IL1RAPL2: variants seen among roughly 807,000 people sequenced by gnomAD.
IL1RAPL2 encodes X-linked interleukin-1 receptor accessory protein-like 2.
In IL1RAPL2, 3 loss-of-function variants were observed where a neutral mutation model predicts 44.1. The ratio of observed to expected loss-of-function variants is 0.07; its 90% CI spans 0.03 to 0.18. The LOEUF (loss-of-function observed/expected upper bound fraction) is 0.18. Among genes scored for constraint, IL1RAPL2 ranks in the 10% least tolerant of loss-of-function variants. IL1RAPL2 has a pLI of 1.00. For missense variants in IL1RAPL2, 391 were observed against 496.4 expected (o/e 0.79, Z 2.02); for synonymous variants, 181 against 178.8 (o/e 1.01, Z -0.10).
chrX:105,701,213 A>C (rs1272096854), intron 6 of IL1RAPL2, among the ~76,000 whole-genome samples: 1 of 111,748 alleles, frequency 8.9e-6, no homozygotes, highest in East Asian at 2.9e-4. Context: ...CAGGCCAATT[A>C]GGTTTGCAGA....
At chrX:104,582,870 T>TTCTTTCTTTCTTTC (rs1556437624) in intron 1 of IL1RAPL2, among the ~76,000 whole-genome samples, 1 of 64,166 alleles carries the variant, frequency 1.6e-5, no homozygotes. Context: ...CTTTCTTTCT[T>TTCTTTCTTTCTTTC]TTTCTTTTCT....
At chrX:104,780,743 G>C (rs1292832930) in intron 2 of IL1RAPL2, among the ~76,000 whole-genome samples, 2 of 111,815 alleles carry the variant, frequency 1.8e-5, no homozygotes, top group African/African-American at 6.5e-5. Context: ...CTTGACCTTT[G>C]GAGAAGCAGA....
At chrX:104,930,993 A>G (rs1924884908) in intron 2 of IL1RAPL2, among the ~76,000 whole-genome samples, 1 of 111,351 alleles carries the variant, frequency 9.0e-6, no homozygotes, top group African/African-American at 3.3e-5. Flanking sequence ...ACCGACAAAC[A>G]GAAAAGTTGA....
At position 105,609,322 on chromosome X, in the gene IL1RAPL2, T is replaced by C. The variant is rs1311686075; in HGVS notation, c.773-108045T>C. ...TTCTGGAAATGGATAGTGATGATAG[T>C]CATACAACATTGTGAATGTACTTAA... On this transcript the variant is annotated intron_variant, in intron 6 of 10. Coordinates refer to ENST00000372582, the MANE Select transcript of IL1RAPL2 (RefSeq NM_017416.2). 4.3e-4 allele frequency among the ~76,000 whole-genome samples: 34 copies of C among 79,177 alleles called. No individual in the cohort carries two copies. In the Admixed American group the frequency reaches 5.4e-3, roughly 13 times the overall value. The allele number at this position is 79,177 out of a possible 115,157, so 68.8% of individuals were successfully genotyped here.
chrX:105,156,933 A>G (rs1309915598), intron 2 of IL1RAPL2, among the ~76,000 whole-genome samples: 1 of 110,334 alleles, frequency 9.1e-6, no homozygotes, highest in African/African-American at 3.3e-5. Flanking sequence ...TCTCTCTCCT[A>G]TGACTATATT....
intron 2 of IL1RAPL2, among the ~76,000 whole-genome samples, chrX:104,975,135 C>A (rs1340593707): frequency 1.8e-5 from 2 of 111,164 alleles, no homozygotes; most frequent in Non-Finnish European, 3.8e-5. Context: ...CAGGAATTTG[C>A]GGTTTCTTTG....
chrX:104,787,667 A>C (rs1381341745), intron 2 of IL1RAPL2, among the ~76,000 whole-genome samples: 3 of 111,676 alleles, frequency 2.7e-5, no homozygotes, highest in Non-Finnish European at 5.6e-5. Flanking sequence ...CAGTAAGGGG[A>C]AGCCCACTGA....
intron 2 of IL1RAPL2, among the ~76,000 whole-genome samples, chrX:104,929,702 T>C (rs769850399): frequency 1.6e-4 from 18 of 111,930 alleles, no homozygotes; most frequent in Non-Finnish European, 3.4e-4. Flanking sequence ...GACATCTTCA[T>C]TAATGCCCAG....
At chrX:105,191,176 A>G (rs2033629466) in intron 2 of IL1RAPL2, among the ~76,000 whole-genome samples, 2 of 112,542 alleles carry the variant, frequency 1.8e-5, no homozygotes, top group African/African-American at 6.5e-5. Flanking sequence ...TCACTCCATT[A>G]TAATTGTTTT....
At chrX:104,873,477 G>A (rs1474993935) in intron 2 of IL1RAPL2, among the ~76,000 whole-genome samples, 1 of 111,584 alleles carries the variant, frequency 9.0e-6, no homozygotes, top group African/African-American at 3.3e-5. Flanking sequence ...TGATCTCACC[G>A]GCTTACCAAT....
chrX:105,219,752 C>T, intron 3 of IL1RAPL2: 1 of 1,202,418 alleles, frequency 8.3e-7, no homozygotes, highest in Non-Finnish European at 1.1e-6. Context: ...TGGGGAGACA[C>T]CAGCTCCTGG....
rs1305638774 is a variant in IL1RAPL2 at position 104,698,716 on chromosome X, G to A, written c.82+39721G>A. Among the ~76,000 whole-genome samples the A allele has an allele frequency of 3.6e-5, 4 of 111,680 alleles. No individual in the cohort carries two copies. In the East Asian group the frequency reaches 1.1e-3, roughly 32 times the overall value. On this transcript the variant is annotated intron_variant, in intron 2 of 10. Transcript: ENST00000372582. ...GATATCTGTCTAAGATTTCTGGTAG[G>A]CCTTTTCTCTGAGACACCTGTTTTT...
intron 7 of IL1RAPL2, among the ~76,000 whole-genome samples, chrX:105,734,882 T>C (rs2038434716): frequency 9.0e-6 from 1 of 111,569 alleles, no homozygotes; most frequent in South Asian, 3.7e-4. Flanking sequence ...ATGGTGTTTT[T>C]AACTCTCAAG....
At chrX:105,230,106 C>G in intron 3 of IL1RAPL2, among the ~76,000 whole-genome samples, 1 of 112,084 alleles carries the variant, frequency 8.9e-6, no homozygotes, top group East Asian at 2.8e-4. Context: ...CAGAAGTAAA[C>G]CTTTTTAAGT....
At chrX:105,123,610 A>G (rs1602965657) in intron 2 of IL1RAPL2, among the ~76,000 whole-genome samples, 1 of 111,524 alleles carries the variant, frequency 9.0e-6, no homozygotes, top group Non-Finnish European at 1.9e-5. Flanking sequence ...ATGAGTTAGA[A>G]CCATGAATTC....
chrX:105,348,635 A>C (rs2035129047), intron 5 of IL1RAPL2, among the ~76,000 whole-genome samples: 1 of 111,697 alleles, frequency 9.0e-6, no homozygotes, highest in African/African-American at 3.2e-5. Flanking sequence ...TGCTCACTTC[A>C]CAGAGAGCCA....
intron 2 of IL1RAPL2, among the ~76,000 whole-genome samples, chrX:104,892,689 C>A (rs1923496887): frequency 9.0e-6 from 1 of 111,413 alleles, no homozygotes; most frequent in African/African-American, 3.3e-5. Flanking sequence ...CCCTTTTCTT[C>A]TTTATTAGTC....
At chrX:104,676,421 A>T (rs1930759087) in intron 2 of IL1RAPL2, among the ~76,000 whole-genome samples, 2 of 111,656 alleles carry the variant, frequency 1.8e-5, no homozygotes, top group Non-Finnish European at 3.8e-5. Flanking sequence ...AATGTTGAAT[A>T]TTGGCCCCCA....
intron 6 of IL1RAPL2, among the ~76,000 whole-genome samples, chrX:105,607,635 C>CAAAAAAAAAAA (rs11377516): frequency 5.7e-4 from 9 of 15,725 alleles, no homozygotes; most frequent in Admixed American, 1.4e-3. Context: ...ATTCAGCAGA[C>CAAAAAAAAAAA]AAAAAAAAAA....
Sources: allele counts gnomAD v4.1 joint callset (sites outside exome capture counted in the v4.1 genomes callset), GRCh38; gene constraint gnomAD v4.1.1; transcripts MANE v1.5; gene names NCBI Gene and HGNC (gene_info 2026-07-23, HGNC 2026-07-21).